The following SOX5 variants were observed in gnomAD, a reference collection of about 807,000 sequenced individuals.
SOX5 encodes transcription factor SOX-5.
SOX5 carries 9 observed loss-of-function variants against 92.0 expected under a neutral mutation model. The ratio of observed to expected loss-of-function variants is 0.10; its 90% confidence interval spans 0.06 to 0.17. SOX5 has a LOEUF of 0.17. Among genes scored for constraint, SOX5 ranks in the 10% least tolerant of loss-of-function variants. The probability of loss-of-function intolerance (pLI) is 1.00; values close to 1 mark genes in which losing one functional copy is unlikely to be tolerated. For missense variants in SOX5, 642 were observed against 944.5 expected (o/e 0.68, Z 4.20); for synonymous variants, 344 against 336.3 (o/e 1.02, Z -0.25).
intron 4 of SOX5, among the ~76,000 whole-genome samples, chr12:24,211,703 G>C (rs1253742497): frequency 6.6e-6 from 1 of 152,174 alleles, no homozygotes; most frequent in African/African-American, 2.4e-5. Context: ...AAGAAACATA[G>C]ATTTAGTTCT....
chr12:24,377,146 A>G (rs1957367960), intron 1 of SOX5, among the ~76,000 whole-genome samples: 1 of 152,214 alleles, frequency 6.6e-6, no homozygotes, highest in Non-Finnish European at 1.5e-5. Context: ...TGTGTACTAC[A>G]GCAAAAGCAC....
chr12:23,979,909 CTGG>C (rs1569372353), intron 4 of SOX5, among the ~76,000 whole-genome samples: 1,148 of 47,958 alleles, frequency 0.024, 18 homozygotes, highest in African/African-American at 0.083. Context: ...GGCTGGCTGG[CTGG>C]CCAGACAGAC....
At chr12:24,087,451 A>T (rs781386711) in intron 4 of SOX5, among the ~76,000 whole-genome samples, 6 of 152,106 alleles carry the variant, frequency 3.9e-5, no homozygotes, top group Non-Finnish European at 8.8e-5. Context: ...TAAAGTGTAC[A>T]GAGTAAAACC....
At chr12:24,362,353 T>G (rs1029556705) in intron 2 of SOX5, among the ~76,000 whole-genome samples, 1 of 152,226 alleles carries the variant, frequency 6.6e-6, no homozygotes, top group African/African-American at 2.4e-5. Context: ...ACTTGGGGAT[T>G]TCCTGCTAAG....
intron 2 of SOX5, among the ~76,000 whole-genome samples, chr12:23,860,952 T>TAAAAAAAAAAAAAAAAAAA (rs71059935): frequency 2.2e-4 from 10 of 45,908 alleles, no homozygotes; most frequent in South Asian, 6.7e-4. Context: ...GTATATTTTG[T>TAAAAAAAAAAAAAAAAAAA]AAAAAAAAAA....
chr12:23,552,537 T>C (rs1944409277), intron 11 of SOX5, among the ~76,000 whole-genome samples: 1 of 151,970 alleles, frequency 6.6e-6, no homozygotes, highest in African/African-American at 2.4e-5. Context: ...TCATTGTCTT[T>C]ACATAAAATA....
chr12:24,115,089 T>G (rs1015141952), intron 4 of SOX5, among the ~76,000 whole-genome samples: 5 of 152,080 alleles, frequency 3.3e-5, no homozygotes, highest in Admixed American at 6.5e-5. Flanking sequence ...AGAAGAGCTA[T>G]AAAGAATCAA....
chr12:23,780,305 A>G (rs193039546), intron 3 of SOX5, among the ~76,000 whole-genome samples: 22 of 152,164 alleles, frequency 1.4e-4, no homozygotes, highest in African/African-American at 5.3e-4. Flanking sequence ...TTTTAAAAAA[A>G]GGAGAACCGG....
chr12:23,680,085 G>A (rs1054341232), intron 6 of SOX5, among the ~76,000 whole-genome samples: 6 of 151,776 alleles, frequency 4.0e-5, no homozygotes, highest in African/African-American at 1.5e-4. Context: ...CATCACTTTG[G>A]GAGGCTGAGG....
intron 4 of SOX5, among the ~76,000 whole-genome samples, chr12:24,123,902 C>T (rs1365820601): frequency 6.6e-6 from 1 of 152,138 alleles, no homozygotes; most frequent in African/African-American, 2.4e-5. Context: ...TAGGCGATCC[C>T]AATCTCACTC....
intron 8 of SOX5, among the ~76,000 whole-genome samples, chr12:23,604,871 G>A (rs2075041462): frequency 6.6e-6 from 1 of 152,130 alleles, no homozygotes; most frequent in Admixed American, 6.6e-5. Flanking sequence ...AATTTACACA[G>A]TGTGTTACAA....
At chr12:23,900,395 C>CTT (rs1568784985) in intron 1 of SOX5, among the ~76,000 whole-genome samples, 1 of 152,120 alleles carries the variant, frequency 6.6e-6, no homozygotes, top group East Asian at 1.9e-4. Context: ...GCCTTATAAT[C>CTT]ACTCTGCAAG....
intron 4 of SOX5, among the ~76,000 whole-genome samples, chr12:23,983,456 G>C (rs1949784792): frequency 6.6e-6 from 1 of 152,176 alleles, no homozygotes; most frequent in African/African-American, 2.4e-5. Flanking sequence ...GCTCACAGCT[G>C]TCACAGGAGG....
chr12:24,174,075 G>T (rs1425961441), intron 4 of SOX5, among the ~76,000 whole-genome samples: 1 of 151,816 alleles, frequency 6.6e-6, no homozygotes, highest in East Asian at 1.9e-4. Context: ...TCGGCTCACT[G>T]CAACCTACGC....
intron 4 of SOX5, among the ~76,000 whole-genome samples, chr12:24,183,131 A>G (rs1955675819): frequency 6.6e-6 from 1 of 152,350 alleles, no homozygotes; most frequent in Non-Finnish European, 1.5e-5. Context: ...CAAATACAAG[A>G]CAACCACATA....
At chr12:24,349,153 G>A (rs545730511) in intron 2 of SOX5, among the ~76,000 whole-genome samples, 1 of 152,246 alleles carries the variant, frequency 6.6e-6, no homozygotes, top group East Asian at 1.9e-4. Context: ...CTTGGCTTTT[G>A]ACGGAGCTGG....
intron 2 of SOX5, among the ~76,000 whole-genome samples, chr12:24,357,856 AAAG>A (rs1421528449): frequency 5.5e-5 from 6 of 108,494 alleles, no homozygotes; most frequent in Admixed American, 2.5e-4. Flanking sequence ...AAAAAAAAAG[AAAG>A]AAGAAAAAAG....
chr12:24,357,961 GT>G (rs2141233317), intron 2 of SOX5, among the ~76,000 whole-genome samples: 1 of 152,086 alleles, frequency 6.6e-6, no homozygotes, highest in South Asian at 2.1e-4. Flanking sequence ...ACAATCCCTT[GT>G]TTTGGGTTAC....
At chr12:24,020,192 G>T (rs907168965) in intron 4 of SOX5, among the ~76,000 whole-genome samples, 2 of 152,066 alleles carry the variant, frequency 1.3e-5, no homozygotes, top group Non-Finnish European at 2.9e-5. Context: ...GGTAACTAAA[G>T]GTCAAAGTTC....
Sources: gnomAD v4.1 joint callset for allele counts (sites outside exome capture counted in the v4.1 genomes callset) on GRCh38, gnomAD v4.1.1 for gene constraint, MANE v1.5 for transcripts, NCBI Gene and HGNC (gene_info 2026-07-23, HGNC 2026-07-21) for gene names.